LHPP: variants seen among roughly 807,000 people sequenced by gnomAD.
The protein encoded by LHPP is hLHPP.
A neutral mutation model predicts 30.3 loss-of-function variants in LHPP; 24 were observed. The ratio of observed to expected loss-of-function variants is 0.79; its 90% confidence interval spans 0.57 to 1.11. LHPP has a LOEUF of 1.11. LHPP is among the 50% of genes most tolerant of loss of function. The pLI is 0.00. For missense variants in LHPP, 356 were observed against 367.2 expected (o/e 0.97, Z 0.25); for synonymous variants, 150 against 157.1 (o/e 0.95, Z 0.34).
intron 6 of LHPP, among the ~76,000 whole-genome samples, chr10:124,566,723 G>C (rs1237232073): frequency 1.3e-5 from 2 of 152,164 alleles, no homozygotes; most frequent in Non-Finnish European, 2.9e-5. Flanking sequence ...CCACTGTGAG[G>C]CTGTGTGGTG....
At chr10:124,610,914 C>G (rs878958980) in intron 6 of LHPP, among the ~76,000 whole-genome samples, 1 of 52,830 alleles carries the variant, frequency 1.9e-5, no homozygotes, top group Non-Finnish European at 3.8e-5. Context: ...GGTGAGGGTG[C>G]TGATGGAGCG....
intron 1 of LHPP, among the ~76,000 whole-genome samples, chr10:124,481,197 G>T (rs1051249137): frequency 6.7e-6 from 1 of 148,780 alleles, no homozygotes; most frequent in South Asian, 2.2e-4. Flanking sequence ...ACACTGGTTA[G>T]TGTTACAAAC....
chr10:124,493,536 C>G (rs1025236792), intron 3 of LHPP, among the ~76,000 whole-genome samples: 2 of 152,224 alleles, frequency 1.3e-5, no homozygotes, highest in Admixed American at 1.3e-4. Context: ...GTAATTTCTT[C>G]TGTCATGCCG....
chr10:124,581,857 CT>C (rs1310202689), intron 6 of LHPP, among the ~76,000 whole-genome samples: 2 of 152,272 alleles, frequency 1.3e-5, no homozygotes, highest in Admixed American at 1.3e-4. Flanking sequence ...TCTTGGCTTA[CT>C]GCAAGCTCCG....
intron 6 of LHPP, among the ~76,000 whole-genome samples, chr10:124,554,332 T>C (rs1324118510): frequency 6.6e-6 from 1 of 152,124 alleles, no homozygotes; most frequent in Non-Finnish European, 1.5e-5. Flanking sequence ...ATGCCTGAGG[T>C]GGGACTACTG....
At chr10:124,524,742 G>C (rs2133921499) in intron 6 of LHPP, among the ~76,000 whole-genome samples, 1 of 152,298 alleles carries the variant, frequency 6.6e-6, no homozygotes, top group East Asian at 1.9e-4. Flanking sequence ...TGAGGCAGGA[G>C]GATCTCTTAA....
intron 6 of LHPP, among the ~76,000 whole-genome samples, chr10:124,560,261 A>G (rs1265558835): frequency 6.6e-6 from 1 of 152,268 alleles, no homozygotes; most frequent in African/African-American, 2.4e-5. Context: ...AAAAAGAAGC[A>G]GCTAAAAAAA....
chr10:124,589,587 A>C (rs17152066), intron 6 of LHPP, among the ~76,000 whole-genome samples: 29,808 of 152,192 alleles, frequency 0.2, 3,460 homozygotes, highest in African/African-American at 0.32. Context: ...AGCAGGGGTC[A>C]GGCTCAGTGC....
intron 6 of LHPP, among the ~76,000 whole-genome samples, chr10:124,612,286 G>A (rs575963895): frequency 3.1e-4 from 47 of 152,128 alleles, no homozygotes; most frequent in African/African-American, 5.6e-4. Context: ...GGTGCCTGTA[G>A]TCCCAGCTAC....
At position 124,556,036 on chromosome 10, in the gene LHPP, C is replaced by T. The variant is rs1417522527; in HGVS notation, c.716+38765C>T. On this transcript the variant is annotated intron_variant, in intron 6 of 6. Coordinates refer to ENST00000368842, the MANE Select transcript of LHPP (RefSeq NM_022126.4). Reference sequence around the variant, plus strand: ...TTACATGCACTGGCTCATTTTGTCTCTACAGCCTTGCAAAGGCCACAGTTA... The same window carrying T: ...TTACATGCACTGGCTCATTTTGTCTTTACAGCCTTGCAAAGGCCACAGTTA... Among the ~76,000 whole-genome samples the T allele has an allele frequency of 2.0e-5, 3 of 152,200 alleles. 1 individual carries two copies. The South Asian group carries it at 6.2e-4, about 32-fold the overall frequency.
In LHPP at chr10:124,576,277, C is replaced by A. The variant is rs891468791; in HGVS notation, c.717-36987C>A. Among the ~76,000 whole-genome samples, 2 of 152,160 alleles carry A rather than the reference C, an allele frequency of 1.3e-5. No homozygotes were observed. Among genetic ancestry groups the A allele is most frequent in the Non-Finnish European group, 2.9e-5 (2 of 68,014 alleles). ...AACGTGTTCAAAGAAAAACCCATTA[C>A]CAACCCGGCAGAACATAAAGTACTA... is the stretch of plus-strand genomic sequence containing the variant. On this transcript the variant is annotated intron_variant, in intron 6 of 6. Transcript: ENST00000368842. This position sits in a 1 kb window ranked among gnomAD's most constrained non-coding sequence, Gnocchi z 4.2.
intron 6 of LHPP, among the ~76,000 whole-genome samples, chr10:124,542,409 G>C (rs1210233425): frequency 1.3e-5 from 2 of 152,230 alleles, no homozygotes; most frequent in Non-Finnish European, 2.9e-5. Context: ...ACCCACCTGA[G>C]GGGATGCAGC....
chr10:124,587,737 C>T (rs12769492), intron 6 of LHPP, among the ~76,000 whole-genome samples: 2 of 43,706 alleles, frequency 4.6e-5, no homozygotes, highest in Non-Finnish European at 7.0e-5. Flanking sequence ...CAGACTCCAT[C>T]TAAAAAAAAA....
At chr10:124,578,949 C>T (rs1402770334) in intron 6 of LHPP, among the ~76,000 whole-genome samples, 1 of 112,928 alleles carries the variant, frequency 8.9e-6, no homozygotes, top group Non-Finnish European at 2.0e-5. Flanking sequence ...TTCCCAGGGG[C>T]AGGATAGCAC....
At position 124,593,182 on chromosome 10, in the gene LHPP, C is replaced by T. The variant is rs1436578980; in HGVS notation, c.717-20082C>T. On this transcript the variant is annotated intron_variant, in intron 6 of 6. Coordinates refer to ENST00000368842, the MANE Select transcript of LHPP (RefSeq NM_022126.4). The surrounding 1 kb of genome is among the most constrained non-coding windows in gnomAD (Gnocchi z 4.9). Reference sequence around the variant, plus strand: ...GACAGCACATGCCCCCTGCCCTGGTCCCTGGATTGCAAGTCCAGACAGAAG... The same window carrying T: ...GACAGCACATGCCCCCTGCCCTGGTTCCTGGATTGCAAGTCCAGACAGAAG... Among the ~76,000 whole-genome samples the T allele has an allele frequency of 6.6e-6, 1 of 151,594 alleles. No homozygotes were observed. The highest frequency in any genetic ancestry group is 2.4e-5 in the African/African-American group (1 of 41,250).
intron 5 of LHPP, among the ~76,000 whole-genome samples, chr10:124,506,164 G>A (rs925192874): frequency 6.6e-6 from 1 of 151,994 alleles, no homozygotes; most frequent in Non-Finnish European, 1.5e-5. Context: ...CACGAGATTC[G>A]CTTGAATCTG....
In LHPP at chr10:124,496,778, G is replaced by C. The variant is rs940179109; in HGVS notation, c.468-183G>C. ...CTCGCCCCACTGGGTGTGGCGGCCT[G>C]CCGCCCGGCTCTGTGGTGCTGGTCC... On this transcript the variant is annotated intron_variant, in intron 3 of 6. Coordinates refer to ENST00000368842, the MANE Select transcript of LHPP (RefSeq NM_022126.4). The surrounding 1 kb of genome is among the most constrained non-coding windows in gnomAD (Gnocchi z 4.3). 1.3e-5 allele frequency among the ~76,000 whole-genome samples: 2 copies of C among 152,234 alleles called. No homozygotes were observed. The highest frequency in any genetic ancestry group is 2.9e-5 in the Non-Finnish European group (2 of 68,026).
chr10:124,493,546 GCT>G (rs2133866115), intron 3 of LHPP, among the ~76,000 whole-genome samples: 1 of 152,334 alleles, frequency 6.6e-6, no homozygotes, highest in African/African-American at 2.4e-5. Flanking sequence ...CTGTCATGCC[GCT>G]CTCAGAAAAT....
At chr10:124,531,898 T>A (rs1589836030) in intron 6 of LHPP, among the ~76,000 whole-genome samples, 1 of 152,380 alleles carries the variant, frequency 6.6e-6, no homozygotes, top group East Asian at 1.9e-4. Context: ...ATTTCTATGA[T>A]GGTCGCCAAA....
Sources: allele counts gnomAD v4.1 joint callset (sites outside exome capture counted in the v4.1 genomes callset), GRCh38; gene constraint gnomAD v4.1.1; non-coding constraint Gnocchi (gnomAD v3.1); transcripts MANE v1.5; gene names NCBI Gene and HGNC (gene_info 2026-07-23, HGNC 2026-07-21).